Variants in MDH1 observed in about 807,000 individuals in gnomAD.
MDH1 encodes malate dehydrogenase 1, also known as malate dehydrogenase, cytoplasmic.
Under a neutral mutation model 38.7 loss-of-function variants are expected in MDH1, and 15 were observed. The observed-to-expected ratio is 0.39, with a 90% CI of 0.26 to 0.60. The LOEUF (loss-of-function observed/expected upper bound fraction) is 0.60. Ranked by LOEUF, MDH1 falls within the 20% of genes least tolerant of loss-of-function variation. MDH1 has a pLI of 0.56. For missense variants in MDH1, 368 were observed against 405.2 expected (o/e 0.91, Z 0.79); for synonymous variants, 144 against 143.6 (o/e 1.00, Z -0.02).
At chr2:63,601,905 A>C (rs1286884911) in intron 5 of MDH1, among the ~76,000 whole-genome samples, 1 of 152,192 alleles carries the variant, frequency 6.6e-6, no homozygotes, top group African/African-American at 2.4e-5. Context: ...TTTAAGTATA[A>C]ATATAAGAGC....
In MDH1 at chr2:63,589,232, C is replaced by T. The variant is rs986897239; in HGVS notation, c.3+186C>T. On this transcript the variant is annotated intron_variant, in intron 1 of 8. Coordinates refer to ENST00000233114, the MANE Select transcript of MDH1 (RefSeq NM_005917.4). ...AGTAATGGGAAGGGATTGATTTCCA[C>T]CTTGCGGGGTATGGGGCGCTCTTAG... The T allele has an allele frequency of 1.3e-4, 207 of 1,559,398 alleles. 1 individual carries two copies. Among genetic ancestry groups the T allele is most frequent in the Non-Finnish European group, 1.1e-4 (128 of 1,151,112 alleles).
intron 3 of MDH1, among the ~76,000 whole-genome samples, chr2:63,596,613 T>C (rs981879236): frequency 1.3e-5 from 2 of 152,136 alleles, no homozygotes; most frequent in African/African-American, 4.8e-5. Flanking sequence ...TAATTTTTTT[T>C]TCTCCAACTG....
chr2:63,604,955 C>T, intron 6 of MDH1, 83 bp downstream of exon 6: 1 of 1,386,118 alleles, frequency 7.2e-7, no homozygotes, highest in Admixed American at 2.0e-5. Flanking sequence ...TTAAAGAGGG[C>T]AGGTCTTTCA....
intron 7 of MDH1, among the ~76,000 whole-genome samples, 193 bp downstream of exon 7, chr2:63,605,586 T>G (rs909363026): frequency 3.3e-5 from 5 of 152,222 alleles, no homozygotes; most frequent in Non-Finnish European, 5.9e-5. Flanking sequence ...TTACATGACA[T>G]TACTATTATA....
chr2:63,595,850 C>G (rs143784894), intron 3 of MDH1, among the ~76,000 whole-genome samples: 117 of 152,244 alleles, frequency 7.7e-4, no homozygotes, highest in Non-Finnish European at 7.5e-4. Flanking sequence ...TAGGAATTGT[C>G]TACATTGTGT....
chr2:63,590,520 C>G (rs181568921), intron 1 of MDH1: 1 of 152,170 alleles, frequency 6.6e-6, no homozygotes, highest in Non-Finnish European at 1.5e-5. Context: ...CATATACAAA[C>G]TCAAATATGT....
intron 6 of MDH1, 47 bp downstream of exon 6, chr2:63,604,919 T>C: frequency 6.3e-7 from 1 of 1,590,068 alleles, no homozygotes; most frequent in African/African-American, 1.3e-5. Context: ...TAAAGAACTC[T>C]TGAGAGACTC....
At chr2:63,597,714 C>A in intron 4 of MDH1, 140 bp downstream of exon 4, 1 of 666,378 alleles carries the variant, frequency 1.5e-6, no homozygotes, top group Non-Finnish European at 2.2e-6. Context: ...TAGAGTTTTG[C>A]TTGATAAGCT....
At chr2:63,589,373 A>G in intron 1 of MDH1, 1 of 1,550,618 alleles carries the variant, frequency 6.4e-7, no homozygotes, top group Non-Finnish European at 8.7e-7. Flanking sequence ...GGTGTTTGAT[A>G]AGGACGATAA....
chr2:63,589,224 G>A (rs565355877), intron 1 of MDH1, 178 bp downstream of exon 1: 1 of 1,567,178 alleles, frequency 6.4e-7, no homozygotes, highest in East Asian at 2.4e-5. Context: ...GGAAGGGATT[G>A]ATTTCCACCT....
chr2:63,597,415 T>A lies in MDH1; in HGVS notation c.216T>A (p.Asp72Glu), dbSNP rs779201592. The change falls in exon 4 of 9, where the codon GAT (aspartate) becomes GAA (glutamate). Residue 72 changes from aspartate (D) to glutamate (E), a missense_variant. Transcript: ENST00000233114. ...LPLLKDVIAT[D>E]KEDVAFKDLD... ...TGTCCACAGATGTCATCGCAACAGA[T>A]AAAGAAGACGTTGCCTTCAAAGACC... 2.1e-6 allele frequency: 3 copies of A among 1,441,696 alleles called. No homozygotes were observed. Among genetic ancestry groups the A allele is most frequent in the African/African-American group, 1.5e-5 (1 of 68,556 alleles). 89.3% of individuals were successfully genotyped at this position (1,441,696 alleles called of 1,614,324 possible).
rs1301168721 is a variant in MDH1, at chr2:63,594,576, G to C, written c.92G>C (p.Gly31Ala). ...AGTATTGGAAATGGATCTGTCTTTG[G>C]TAAAGATCAGGTAGGAACAGGTGTC... ...LYSIGNGSVF[G>A]KDQPIILVLL... is the part of the protein sequence containing the mutation. The change falls in exon 2 of 9, where the codon GGT becomes GCT. Residue 31 changes from glycine to alanine, a missense_variant. Gly to Ala is a moderately conservative substitution (Grantham distance 60). Coordinates refer to ENST00000233114, the MANE Select transcript of MDH1 (RefSeq NM_005917.4). 44 of 1,609,776 alleles carry C rather than the reference G, an allele frequency of 2.7e-5. No individual in the cohort carries two copies. Among genetic ancestry groups the C allele is most frequent in the Non-Finnish European group, 3.7e-5 (43 of 1,176,264 alleles).
At chr2:63,604,666 C>A in intron 5 of MDH1, 30 bp from the exon 6 acceptor site, 1 of 1,563,816 alleles carries the variant, frequency 6.4e-7, no homozygotes, top group South Asian at 1.1e-5. Context: ...CCATTTGTCT[C>A]AGTAATGTAT....
In MDH1 at chr2:63,605,324, A is replaced by G. The variant is rs200435709; in HGVS notation, c.720A>G (p.Leu240=). 1.1e-5 allele frequency: 17 copies of G among 1,614,168 alleles called. No individual in the cohort carries two copies. Among genetic ancestry groups the G allele is most frequent in the Non-Finnish European group, 1.4e-5 (17 of 1,180,016 alleles). Residue 240 remains leucine, a synonymous_variant, in exon 7 of 9, where the codon CTA becomes CTG. Transcript: ENST00000233114. ...CTGCTGTCATCAAGGCTCGAAAACT[A>G]TCCAGTGCCATGTCTGCTGCAAAAG... The part of the protein sequence containing the change: ...RGAAVIKARK[L]SSAMSAAKAI...
rs866853384 is a variant in MDH1 at position 63,604,913 on chromosome 2, G to A, written c.675+41G>A. 1.9e-5 allele frequency: 30 copies of A among 1,597,434 alleles called. 3 individuals are homozygous for A. The Middle Eastern group carries it at 5.0e-3, about 267-fold the overall frequency. On this transcript the variant is annotated intron_variant, in intron 6 of 8. Transcript: ENST00000233114. Reference sequence around the variant, plus strand: ...GAGCCTTCTTAACACTGAGCGTAAAGAACTCTTGAGAGACTCTTAGGACAG... The same window carrying A: ...GAGCCTTCTTAACACTGAGCGTAAAAAACTCTTGAGAGACTCTTAGGACAG...
intron 3 of MDH1, 21 bp downstream of exon 3, chr2:63,595,540 G>T (rs889728167): frequency 2.2e-6 from 3 of 1,386,702 alleles, no homozygotes; most frequent in Non-Finnish European, 3.1e-6. Flanking sequence ...GAGTAGAGAA[G>T]GGATTTTATG....
Position 63,594,345 on chromosome 2 carries a change from T to C in MDH1, c.4-143T>C, listed in dbSNP as rs748080772. 6.6e-6 allele frequency: 5 copies of C among 762,058 alleles called. No individual in the cohort carries two copies. In the East Asian group the frequency reaches 1.0e-4, roughly 15 times the overall value. 47.2% of individuals were successfully genotyped at this position (762,058 alleles called of 1,614,324 possible). ...CCACGTAAATATGCAGCACATTCAT[T>C]TTCTACTGAGCCAGATGCAAAAGGA... On this transcript the variant is annotated intron_variant, in intron 1 of 8. Transcript: ENST00000233114.
rs986132697 is a variant in MDH1 at position 63,594,436 on chromosome 2, T to A, written c.4-52T>A. ...TTACTATAGATTAAAATCCTGGATA[T>A]TTTTAAGGTACAGTAGTACTTAAAG... On this transcript the variant is annotated intron_variant, in intron 1 of 8. Transcript: ENST00000233114. The A allele has an allele frequency of 3.9e-6, 5 of 1,287,282 alleles. No individual in the cohort carries two copies. In the African/African-American group the frequency reaches 7.4e-5, roughly 19 times the overall value. 79.7% of individuals were successfully genotyped at this position (1,287,282 alleles called of 1,614,324 possible). A position where few individuals can be genotyped will look rare whatever the true frequency, so the allele number is the denominator to read the frequency against.
chr2:63,597,429 C>G lies in MDH1; in HGVS notation c.230C>G (p.Ala77Gly), dbSNP rs745899282. ...ATCGCAACAGATAAAGAAGACGTTG[C>G]CTTCAAAGACCTGGATGTGGCCATT... Reference protein sequence around the residue: ...DVIATDKEDVAFKDLDVAILV... With the variant: ...DVIATDKEDVGFKDLDVAILV... Residue 77 changes from alanine (A) to glycine (G), a missense_variant, in exon 4 of 9, where the codon GCC becomes GGC. By Grantham distance (60) the Ala-to-Gly change is moderately conservative (BLOSUM62 0). Transcript: ENST00000233114. 3 of 1,450,034 alleles carry G rather than the reference C, an allele frequency of 2.1e-6. No individual in the cohort carries two copies. The highest frequency in any genetic ancestry group is 2.8e-6 in the Non-Finnish European group (3 of 1,090,234). The allele number at this position is 1,450,034 out of a possible 1,614,324, so 89.8% of individuals were successfully genotyped here. A position where few individuals can be genotyped will look rare whatever the true frequency, so the allele number is the denominator to read the frequency against.
Sources: allele counts gnomAD v4.1 joint callset (sites outside exome capture counted in the v4.1 genomes callset), GRCh38; gene constraint gnomAD v4.1.1; transcripts MANE v1.5; gene names NCBI Gene and HGNC (gene_info 2026-07-23, HGNC 2026-07-21).